Variants in GPR155 observed in about 807,000 individuals in gnomAD.
GPR155 encodes G protein-coupled receptor 155, also known as lysosomal cholesterol signaling protein.
Under a neutral mutation model 93.1 loss-of-function variants are expected in GPR155, and 65 were observed. The ratio of observed to expected loss-of-function variants is 0.70; its 90% CI spans 0.57 to 0.86. The LOEUF is 0.86. Ranked by LOEUF, GPR155 falls within the 40% of genes least tolerant of loss-of-function variation. The probability of loss-of-function intolerance (pLI) is 0.00; values close to 1 mark genes in which losing one functional copy is unlikely to be tolerated. For synonymous variants in GPR155, 319 were observed against 360.1 expected (o/e 0.89, Z 1.29); for missense variants, 838 against 1,034.8 (o/e 0.81, Z 2.61).
chr2:174,449,529 T>C (rs1000460554), intron 11 of GPR155, among the ~76,000 whole-genome samples: 1 of 152,178 alleles, frequency 6.6e-6, no homozygotes, highest in Admixed American at 6.5e-5. Flanking sequence ...ATATATACCA[T>C]GGAATACTAT....
In GPR155 at chr2:174,432,314, T is replaced by G. The variant is rs1686662612; in HGVS notation, c.*3802A>C. 2 of 152,678 alleles carry G rather than the reference T, an allele frequency of 1.3e-5. No individual in the cohort carries two copies. The highest frequency in any genetic ancestry group is 2.4e-5 in the African/African-American group (1 of 41,458). 9.5% of individuals were successfully genotyped at this position (152,678 alleles called of 1,614,324 possible). A position where few individuals can be genotyped will look rare whatever the true frequency, so the allele number is the denominator to read the frequency against. On this transcript the variant is annotated 3_prime_UTR_variant, in exon 16 of 16. Coordinates refer to ENST00000392552, the MANE Select transcript of GPR155 (RefSeq NM_152529.7). Reference sequence around the variant, plus strand: ...GTTAACAGTTACAAATATTTTCATTTAATAAAATTAGCATATTTTTAATTC... The same window carrying G: ...GTTAACAGTTACAAATATTTTCATTGAATAAAATTAGCATATTTTTAATTC...
In GPR155 at chr2:174,444,486, C is replaced by CTTT. The variant is rs71024807; in HGVS notation, c.2109+592_2109+594dup. ...AATTAAGTTATTTTCCCAAAGTGAC[C>CTTT]TTTTTTTTTTTTTTTTTTTTTGAGA... On this transcript the variant is annotated intron_variant, in intron 13 of 15. Transcript: ENST00000392552. Among the ~76,000 whole-genome samples, 237 of 89,574 alleles carry CTTT rather than the reference C, an allele frequency of 2.6e-3. 5 individuals carry two copies. The highest frequency in any genetic ancestry group is 3.3e-3 in the Non-Finnish European group (158 of 47,702). 58.8% of individuals were successfully genotyped at this position (89,574 alleles called of 152,430 possible).
At position 174,475,115 on chromosome 2, in the gene GPR155, G is replaced by A. The variant is rs987461393; in HGVS notation, c.461-1751C>T. ...TCGAGACCATCCCGGCTAAAATGGT[G>A]AAACCCCGTCTCTACTAAAAATACA... On this transcript the variant is annotated intron_variant, in intron 2 of 15. Transcript: ENST00000392552. 6.0e-5 allele frequency among the ~76,000 whole-genome samples: 9 copies of A among 150,816 alleles called. No individual in the cohort carries two copies. In the East Asian group the frequency reaches 1.4e-3, roughly 23 times the overall value.
chr2:174,483,283 ATT>A (rs1159040105), intron 1 of GPR155: 1 of 151,834 alleles, frequency 6.6e-6, no homozygotes, highest in East Asian at 1.9e-4. Context: ...TACAGACAGA[ATT>A]TTTTTTTGTT....
intron 10 of GPR155, among the ~76,000 whole-genome samples, chr2:174,457,831 G>A (rs963465826): frequency 3.9e-5 from 6 of 151,980 alleles, no homozygotes; most frequent in Admixed American, 1.3e-4. Context: ...GCTCACTGCA[G>A]CTTCGACCTC....
At chr2:174,469,667 A>AT (rs1289383761) in intron 4 of GPR155, among the ~76,000 whole-genome samples, 3 of 152,144 alleles carry the variant, frequency 2.0e-5, no homozygotes, top group East Asian at 1.9e-4. Flanking sequence ...TAAAATAGGC[A>AT]TTTTTTTCTT....
At chr2:174,440,497 C>T (rs1022087748) in intron 14 of GPR155, among the ~76,000 whole-genome samples, 1 of 152,062 alleles carries the variant, frequency 6.6e-6, no homozygotes, top group Non-Finnish European at 1.5e-5. Context: ...CAAGCCTACA[C>T]ATTAGAATCG....
Position 174,453,733 on chromosome 2 carries a change from T to G in GPR155, c.1876+4A>C. The G allele has an allele frequency of 6.6e-7, 1 of 1,524,108 alleles. No individual in the cohort carries two copies. The highest frequency in any genetic ancestry group is 9.1e-7 in the Non-Finnish European group (1 of 1,098,654). 94.4% of individuals were successfully genotyped at this position (1,524,108 alleles called of 1,614,324 possible). On this transcript the variant is annotated splice_donor_region_variant and intron_variant, in intron 11 of 15. Transcript: ENST00000392552. ...TCCCATCCTCATAGTCCAGAGGCAC[T>G]TACTTTTCTCAAACGAAGGAATCAC...
chr2:174,440,139 C>CA (rs1282453676), intron 14 of GPR155, 104 bp from the exon 15 acceptor site: 9 of 864,646 alleles, frequency 1.0e-5, no homozygotes, highest in African/African-American at 1.7e-5. Context: ...AGCTGTCGAT[C>CA]ACCAAAGCTG....
chr2:174,446,892 G>T (rs1687149277), intron 11 of GPR155, 145 bp from the exon 12 acceptor site: 2 of 724,934 alleles, frequency 2.8e-6, no homozygotes, highest in Admixed American at 2.8e-5. Context: ...TTGGAAGAAA[G>T]CTCCTTCATG....
Position 174,468,957 on chromosome 2 carries a change from G to T in GPR155, c.1137C>A (p.Ile379=). ...TACTTATATCAAAACTAACATTCTGGATGGCATATGCCAATGGCTTAGGGT... is the reference window on the plus strand; with the variant it reads ...TACTTATATCAAAACTAACATTCTGTATGGCATATGCCAATGGCTTAGGGT... ...TMDPKPLAYA[I]QNVSFDISIV... The change falls in exon 5 of 16, where the codon ATC becomes ATA. Residue 379 remains isoleucine (I), a synonymous_variant. Coordinates refer to ENST00000392552, the MANE Select transcript of GPR155 (RefSeq NM_152529.7). 2 of 1,613,946 alleles carry T rather than the reference G, an allele frequency of 1.2e-6. No individual in the cohort carries two copies. The highest frequency in any genetic ancestry group is 2.2e-5 in the South Asian group (2 of 91,072).
intron 2 of GPR155, among the ~76,000 whole-genome samples, chr2:174,473,953 T>C (rs1284635032): frequency 6.6e-6 from 1 of 152,206 alleles, no homozygotes; most frequent in Non-Finnish European, 1.5e-5. Flanking sequence ...AAACAGCTAA[T>C]GAGCTACTCA....
intron 15 of GPR155, among the ~76,000 whole-genome samples, chr2:174,437,459 TAA>T (rs920109261): frequency 6.6e-6 from 1 of 152,174 alleles, no homozygotes; most frequent in Non-Finnish European, 1.5e-5. Context: ...CATTTAGAGA[TAA>T]GTTATCTTAA....
intron 13 of GPR155, 66 bp downstream of exon 13, chr2:174,445,015 C>T (rs1687076915): frequency 8.9e-6 from 7 of 788,576 alleles, no homozygotes; most frequent in African/African-American, 3.4e-5. Flanking sequence ...CCGCTTCCCC[C>T]GACCCCCTAC....
chr2:174,436,031 G>C lies in GPR155; in HGVS notation c.*85C>G. 8.7e-7 allele frequency: 1 copy of C among 1,151,014 alleles called. No homozygotes were observed. Among genetic ancestry groups the C allele is most frequent in the East Asian group, 2.4e-5 (1 of 42,284 alleles). 71.3% of individuals were successfully genotyped at this position (1,151,014 alleles called of 1,614,324 possible). A position where few individuals can be genotyped will look rare whatever the true frequency, so the allele number is the denominator to read the frequency against. On this transcript the variant is annotated 3_prime_UTR_variant, in exon 16 of 16. Coordinates refer to ENST00000392552, the MANE Select transcript of GPR155 (RefSeq NM_152529.7). ...ACTGAGGCTCAGAGAGGTTGCCTCT[G>C]TTAACTTGCCCAAGGTCACCCAGCT...
At chr2:174,474,513 C>T (rs1574734306) in intron 2 of GPR155, among the ~76,000 whole-genome samples, 1 of 151,918 alleles carries the variant, frequency 6.6e-6, no homozygotes, top group African/African-American at 2.4e-5. Context: ...GCTTCATTTC[C>T]CCCCACCCCC....
intron 14 of GPR155, among the ~76,000 whole-genome samples, chr2:174,440,969 G>C (rs542451664): frequency 6.6e-6 from 1 of 152,140 alleles, no homozygotes; most frequent in East Asian, 1.9e-4. Context: ...TAGACCATAG[G>C]GGCACACCAC....
intron 14 of GPR155, among the ~76,000 whole-genome samples, chr2:174,441,243 A>T (rs1257960232): frequency 6.6e-6 from 1 of 151,956 alleles, no homozygotes; most frequent in Non-Finnish European, 1.5e-5. Flanking sequence ...TTGACATTCA[A>T]GTGTTGAAAT....
intron 15 of GPR155, among the ~76,000 whole-genome samples, chr2:174,438,662 C>T (rs1238713528): frequency 1.3e-5 from 2 of 152,094 alleles, no homozygotes; most frequent in African/African-American, 2.4e-5. Flanking sequence ...CGCCCGCCAA[C>T]ACACCCGGCT....
Sources: gnomAD v4.1 joint callset for allele counts (sites outside exome capture counted in the v4.1 genomes callset) on GRCh38, gnomAD v4.1.1 for gene constraint, MANE v1.5 for transcripts, NCBI Gene and HGNC (gene_info 2026-07-23, HGNC 2026-07-21) for gene names.